Variants in ROR1 observed in about 807,000 individuals in gnomAD.
The protein encoded by ROR1 is inactive tyrosine-protein kinase transmembrane receptor ROR1.
ROR1 carries 19 observed loss-of-function variants against 78.8 expected under a neutral mutation model. The ratio of observed to expected loss-of-function variants is 0.24; its 90% CI spans 0.17 to 0.35. ROR1 has a LOEUF of 0.35. Among genes scored for constraint, ROR1 ranks in the 10% least tolerant of loss-of-function variants. The pLI is 1.00. For missense variants in ROR1, 917 were observed against 1,177.8 expected, an observed-to-expected ratio of 0.78 and a Z score of 3.24; for synonymous variants, 386 against 433.6, an observed-to-expected ratio of 0.89 and a Z score of 1.36.
In ROR1 at chr1:63,863,778, ATTGTATTGTATTGTATTGTATTGTAT is replaced by A. The variant is rs1557533435; in HGVS notation, c.91+89271_91+89296del. ...ATTGTATTGTATTGTATTGTATTGT[ATTGTATTGTATTGTATTGTATTGTAT>A]CATAGATGGCGATACTTGTTCAGTT... On this transcript the variant is annotated intron_variant, in intron 1 of 8. Transcript: ENST00000371079. Among the ~76,000 whole-genome samples, 427 of 150,838 alleles carry A rather than the reference ATTGTATTGTATTGTATTGTATTGTAT, an allele frequency of 2.8e-3. 3 individuals carry two copies. The highest frequency in any genetic ancestry group is 0.01 in the African/African-American group (411 of 40,806).
chr1:64,071,654 C>T (rs975473659), intron 4 of ROR1, among the ~76,000 whole-genome samples: 1 of 151,084 alleles, frequency 6.6e-6, no homozygotes, highest in African/African-American at 2.4e-5. Context: ...TTATGGGTTT[C>T]ATCCTCATCT....
chr1:64,072,700 G>A (rs1337898176), intron 4 of ROR1, among the ~76,000 whole-genome samples: 1 of 152,100 alleles, frequency 6.6e-6, no homozygotes, highest in African/African-American at 2.4e-5. Flanking sequence ...GGAGAGCCGG[G>A]GTTATCTGTA....
intron 2 of ROR1, among the ~76,000 whole-genome samples, chr1:64,041,626 G>T (rs1175994219): frequency 6.6e-6 from 1 of 152,116 alleles, no homozygotes. Flanking sequence ...CTTAATGTGT[G>T]TGTGTTCTCT....
intron 1 of ROR1, among the ~76,000 whole-genome samples, chr1:63,953,751 G>A (rs1025211302): frequency 6.6e-6 from 1 of 152,198 alleles, no homozygotes; most frequent in East Asian, 1.9e-4. Context: ...CTTCATTAGG[G>A]CAAGGGTGAG....
At chr1:63,890,455 A>T (rs1007670645) in intron 1 of ROR1, among the ~76,000 whole-genome samples, 89 of 150,810 alleles carry the variant, frequency 5.9e-4, no homozygotes, top group African/African-American at 2.0e-3. Context: ...GGGAAAAAAG[A>T]TGAAAAAGAC....
chr1:63,943,066 C>T (rs1645854009), intron 1 of ROR1, among the ~76,000 whole-genome samples: 1 of 141,752 alleles, frequency 7.1e-6, no homozygotes, highest in Non-Finnish European at 1.5e-5. Context: ...GCACTCCAGC[C>T]TGAGCAACAG....
intron 1 of ROR1, among the ~76,000 whole-genome samples, chr1:63,823,624 AT>A (rs1368555500): frequency 1.3e-5 from 2 of 151,276 alleles, no homozygotes; most frequent in Admixed American, 6.6e-5. Flanking sequence ...TAATTGTTTT[AT>A]TTTTTGTGGA....
intron 4 of ROR1, among the ~76,000 whole-genome samples, chr1:64,083,180 G>A (rs1239773319): frequency 1.3e-5 from 2 of 152,080 alleles, no homozygotes; most frequent in Non-Finnish European, 2.9e-5. Flanking sequence ...GGATGGTGGG[G>A]GGAAGTTATT....
Position 64,073,358 on chromosome 1 carries a change from C to G in ROR1, c.482+22642C>G, listed in dbSNP as rs150550829. On this transcript the variant is annotated intron_variant, in intron 4 of 8. Coordinates refer to ENST00000371079, the MANE Select transcript of ROR1 (RefSeq NM_005012.4). ...GCTCCTTTATTTTACCCATTTTTCT[C>G]CATGGTAAATGCAAGTGTAAGGCTT... Among the ~76,000 whole-genome samples the G allele has an allele frequency of 3.2e-3, 482 of 151,706 alleles. 2 individuals carry two copies. The highest frequency in any genetic ancestry group is 0.014 in the Middle Eastern group (4 of 292).
chr1:63,872,498 G>A (rs969707626), intron 1 of ROR1, among the ~76,000 whole-genome samples: 2 of 152,098 alleles, frequency 1.3e-5, no homozygotes, highest in East Asian at 1.9e-4. Context: ...CTTAGTAGAG[G>A]TGATAATGTA....
chr1:64,085,563 A>T (rs1647145688), intron 4 of ROR1, among the ~76,000 whole-genome samples: 1 of 152,212 alleles, frequency 6.6e-6, no homozygotes, highest in Non-Finnish European at 1.5e-5. Context: ...AAAGGGGAAT[A>T]AATCTCTGCC....
intron 2 of ROR1, among the ~76,000 whole-genome samples, chr1:64,013,653 AC>A (rs891545455): frequency 2.6e-5 from 4 of 152,012 alleles, no homozygotes; most frequent in African/African-American, 9.7e-5. Context: ...CCTTGTTGGA[AC>A]CTCCTGGAGG....
Position 64,049,692 on chromosome 1 carries a change from T to C in ROR1, c.165T>C (p.Asp55=). The change falls in exon 3 of 9, where the codon GAT becomes GAC. Residue 55 remains aspartate, a splice_region_variant and synonymous_variant. Transcript: ENST00000371079. The part of the protein sequence containing the change: ...SWNISSELNK[D]SYLTLDEPMN... ...CCTGCCTCCTCTCTGTGCTCACAGA[T>C]TCTTACCTGACCCTCGATGAACCAA... 2 of 1,613,138 alleles carry C rather than the reference T, an allele frequency of 1.2e-6. No homozygotes were observed. The highest frequency in any genetic ancestry group is 1.7e-6 in the Non-Finnish European group (2 of 1,179,364).
intron 1 of ROR1, among the ~76,000 whole-genome samples, chr1:63,999,532 T>C (rs1380103431): frequency 2.0e-5 from 3 of 151,836 alleles, no homozygotes; most frequent in Non-Finnish European, 4.4e-5. Context: ...GCATTTATCA[T>C]ATTATACTTT....
intron 1 of ROR1, among the ~76,000 whole-genome samples, chr1:63,867,913 G>T (rs1200198400): frequency 1.3e-5 from 2 of 152,230 alleles, no homozygotes; most frequent in African/African-American, 4.8e-5. Context: ...TGGCATGAGG[G>T]TTACTGCCGA....
At position 63,919,064 on chromosome 1, in the gene ROR1, A is replaced by G. The variant is rs529377583; in HGVS notation, c.92-90241A>G. Reference sequence around the variant, plus strand: ...CAAAAGACAGGAATATCTAGAGGGTAAATAACAGGACTAAAATGCTTTGAA... The same window carrying G: ...CAAAAGACAGGAATATCTAGAGGGTGAATAACAGGACTAAAATGCTTTGAA... On this transcript the variant is annotated intron_variant, in intron 1 of 8. Transcript: ENST00000371079. 4.6e-5 allele frequency among the ~76,000 whole-genome samples: 7 copies of G among 152,336 alleles called. No homozygotes were observed. The East Asian group carries it at 1.2e-3, about 25-fold the overall frequency.
rs141950780 is a variant in ROR1, at chr1:64,024,126, C to A, written c.163+14750C>A. On this transcript the variant is annotated intron_variant, in intron 2 of 8. Transcript: ENST00000371079. Reference sequence around the variant, plus strand: ...ATGTGGAAATGTGAGTCAATTAAATCTCTTTTCTTTATAAATTATCCAGTC... The same window carrying A: ...ATGTGGAAATGTGAGTCAATTAAATATCTTTTCTTTATAAATTATCCAGTC... Among the ~76,000 whole-genome samples, 857 of 152,304 alleles carry A rather than the reference C, an allele frequency of 5.6e-3. 8 individuals carry two copies. The highest frequency in any genetic ancestry group is 0.02 in the African/African-American group (828 of 41,568).
chr1:63,804,389 G>A (rs1372948724), intron 1 of ROR1, among the ~76,000 whole-genome samples: 3 of 152,086 alleles, frequency 2.0e-5, no homozygotes, highest in African/African-American at 7.2e-5. Context: ...GTTACCAGAG[G>A]GCAAAACTGG....
Position 63,993,203 on chromosome 1 carries a change from T to C in ROR1, c.92-16102T>C, listed in dbSNP as rs139414024. Among the ~76,000 whole-genome samples the C allele has an allele frequency of 6.2e-3, 950 of 152,294 alleles. 9 individuals carry two copies. The highest frequency in any genetic ancestry group is 0.022 in the African/African-American group (919 of 41,558). ...AGTATCCCTTGGCAACCTGAGATGTTCATTTCTGTTGCCCTCCTACTCGCT... is the reference window on the plus strand; with the variant it reads ...AGTATCCCTTGGCAACCTGAGATGTCCATTTCTGTTGCCCTCCTACTCGCT... On this transcript the variant is annotated intron_variant, in intron 1 of 8. Coordinates refer to ENST00000371079, the MANE Select transcript of ROR1 (RefSeq NM_005012.4).
Sources: allele counts gnomAD v4.1 joint callset (sites outside exome capture counted in the v4.1 genomes callset), GRCh38; gene constraint gnomAD v4.1.1; transcripts MANE v1.5; gene names NCBI Gene and HGNC (gene_info 2026-07-23, HGNC 2026-07-21).